HOXC5: variants seen among roughly 807,000 people sequenced by gnomAD.
The protein encoded by HOXC5 is homeobox C5.
Under a neutral mutation model 20.1 loss-of-function variants are expected in HOXC5, and 19 were observed. The observed-to-expected ratio is 0.94, with a 90% CI of 0.66 to 1.38. The LOEUF (loss-of-function observed/expected upper bound fraction) is 1.38. Ranked by LOEUF, HOXC5 falls within the 40% of genes most tolerant of loss-of-function variation. The probability of loss-of-function intolerance (pLI) is 0.00; values close to 1 mark genes in which losing one functional copy is unlikely to be tolerated. For missense variants in HOXC5, 330 were observed against 300.1 expected (o/e 1.10, Z -0.74); for synonymous variants, 124 against 117.0 (o/e 1.06, Z -0.39).
chr12:54,030,104 C>A, upstream of HOXC5: 2 of 823,596 alleles, frequency 2.4e-6, no homozygotes, highest in Non-Finnish European at 3.7e-6. Context: ...CAAACGTGGA[C>A]CTGAAAGTCA....
At chr12:54,033,968 G>C (rs1376541768) in intron 1 of HOXC5, 1 of 547,530 alleles carries the variant, frequency 1.8e-6, no homozygotes. Context: ...GGGCGGGAGG[G>C]GGGTCCCCGG....
rs1941133727 is a variant in HOXC5 at position 54,034,650 on chromosome 12, C to T, written c.*158C>T. 1.6e-6 allele frequency: 1 copy of T among 629,522 alleles called. No individual in the cohort carries two copies. The highest frequency in any genetic ancestry group is 2.8e-6 in the Non-Finnish European group (1 of 362,844). The allele number at this position is 629,522 out of a possible 1,614,324, so 39.0% of individuals were successfully genotyped here. On this transcript the variant is annotated 3_prime_UTR_variant, in exon 2 of 2. Transcript: ENST00000312492. ...AAAAGCGCTTTTCCTTGGCATTCCG[C>T]ATCCCTACCGACCCAGGGTTCCCGC...
chr12:54,020,631 C>A, the HOXC5 span: 1 of 152,090 alleles, frequency 6.6e-6, no homozygotes, highest in African/African-American at 2.4e-5. Context: ...TGTATATTAC[C>A]ATGCCTATAT....
chr12:54,034,381 A>G lies in HOXC5; in HGVS notation c.558A>G (p.Ile186Met), dbSNP rs755916165. The G allele has an allele frequency of 1.9e-6, 3 of 1,613,976 alleles. No homozygotes were observed. The highest frequency in any genetic ancestry group is 1.3e-5 in the African/African-American group (1 of 75,082). ...FNRYLTRRRR[I>M]EIANNLCLNE... is the part of the protein sequence containing the mutation. ...GCTACCTCACTCGCCGCAGGCGCAT[A>G]GAGATCGCCAACAACTTGTGTCTCA... Residue 186 changes from isoleucine to methionine, a missense_variant, in exon 2 of 2, where the codon ATA (isoleucine) becomes ATG (methionine). Ile to Met is a conservative substitution (Grantham distance 10). Coordinates refer to ENST00000312492, the MANE Select transcript of HOXC5 (RefSeq NM_018953.4).
At chr12:54,020,423 CAA>C in the HOXC5 span, 1 of 152,252 alleles carries the variant, frequency 6.6e-6, no homozygotes, top group African/African-American at 2.4e-5. Flanking sequence ...TTGGGCAGAG[CAA>C]ACCCTTTCTC....
chr12:54,017,527 G>A, the HOXC5 span: 1 of 152,176 alleles, frequency 6.6e-6, no homozygotes, highest in African/African-American at 2.4e-5. Context: ...GCGAGAGGGT[G>A]GGCGCGTAGT....
upstream of HOXC5, chr12:54,029,900 G>T: frequency 6.2e-7 from 1 of 1,609,968 alleles, no homozygotes. Flanking sequence ...GGCCACCGCC[G>T]ACAGCCTGGG....
chr12:54,019,613 T>G, the HOXC5 span, among the ~76,000 whole-genome samples: 22 of 152,002 alleles, frequency 1.4e-4, no homozygotes, highest in Non-Finnish European at 3.2e-4. Flanking sequence ...AAGAAAACCT[T>G]TTCCAGAGAA....
upstream of HOXC5, chr12:54,029,048 C>A (rs899459501): frequency 3.1e-5 from 28 of 900,614 alleles, no homozygotes; most frequent in Non-Finnish European, 4.1e-5. Flanking sequence ...GTCTCCTCAC[C>A]GAGACAGGGC....
At chr12:54,029,882 G>C, upstream of HOXC5, 1 of 1,611,824 alleles carries the variant, frequency 6.2e-7, no homozygotes, top group Non-Finnish European at 8.5e-7. Context: ...CTCGGGGGGC[G>C]GCGGAGGGGC....
upstream of HOXC5, chr12:54,030,224 A>C: frequency 2.8e-6 from 1 of 355,862 alleles, no homozygotes; most frequent in Non-Finnish European, 5.1e-6. Context: ...TTCCCCGTCC[A>C]GGCCTTGGGG....
the HOXC5 span, among the ~76,000 whole-genome samples, chr12:54,023,282 A>G: frequency 6.6e-6 from 1 of 152,178 alleles, no homozygotes; most frequent in Admixed American, 6.5e-5. Flanking sequence ...GACCTATTTT[A>G]CGTTTTAACC....
chr12:54,026,938 C>T, the HOXC5 span, among the ~76,000 whole-genome samples: 1 of 140,156 alleles, frequency 7.1e-6, no homozygotes, highest in Admixed American at 7.1e-5. Context: ...GCCAGCTTTC[C>T]CCCCCCCCAA....
At chr12:54,020,794 G>C in the HOXC5 span, 2 of 152,322 alleles carry the variant, frequency 1.3e-5, no homozygotes, top group Admixed American at 6.5e-5. Context: ...GCGGGTTCCA[G>C]TAACCAATGG....
At chr12:54,025,106 G>A in the HOXC5 span, among the ~76,000 whole-genome samples, 1 of 152,158 alleles carries the variant, frequency 6.6e-6, no homozygotes. Flanking sequence ...ATGGGGTTGG[G>A]GGGTAGTGTT....
Position 54,034,458 on chromosome 12 carries a change from A to T in HOXC5, c.635A>T (p.Lys212Ile), listed in dbSNP as rs1216133806. ...WFQNRRMKWK[K>I]DSKMKSKEAL ...CAGAACCGCAGGATGAAGTGGAAGA[A>T]AGATTCCAAAATGAAAAGCAAAGAG... The change falls in exon 2 of 2, where the codon AAA becomes ATA. Residue 212 changes from lysine (K) to isoleucine (I), a missense_variant. Lys to Ile is a moderately radical substitution (Grantham distance 102). Transcript: ENST00000312492. The T allele has an allele frequency of 6.2e-7, 1 of 1,614,254 alleles. No individual in the cohort carries two copies. The highest frequency in any genetic ancestry group is 2.2e-5 in the East Asian group (1 of 44,888).
At chr12:54,022,387 C>A in the HOXC5 span, 2 of 152,166 alleles carry the variant, frequency 1.3e-5, no homozygotes, top group African/African-American at 4.8e-5. Flanking sequence ...TGTCTCCAAT[C>A]CTGCCAGGTG....
the HOXC5 span, among the ~76,000 whole-genome samples, chr12:54,023,080 C>G: frequency 8.8e-3 from 1,341 of 152,304 alleles, 26 homozygotes; most frequent in African/African-American, 0.03. Flanking sequence ...CATCTAAGCT[C>G]TCTCCCCATT....
At chr12:54,017,924 A>C in the HOXC5 span, among the ~76,000 whole-genome samples, 2 of 151,838 alleles carry the variant, frequency 1.3e-5, no homozygotes, top group East Asian at 3.9e-4. Context: ...CCTCCCAGAG[A>C]GCGCGACTGC....
Sources: allele counts gnomAD v4.1 joint callset (sites outside exome capture counted in the v4.1 genomes callset), GRCh38; gene constraint gnomAD v4.1.1; transcripts MANE v1.5; gene names NCBI Gene and HGNC (gene_info 2026-07-23, HGNC 2026-07-21).